Variants in RBFOX1 observed in about 807,000 individuals in gnomAD.
RBFOX1 encodes the protein RNA binding protein fox-1 homolog 1.
RBFOX1 carries 8 observed loss-of-function variants against 57.7 expected under a neutral mutation model. The observed-to-expected ratio is 0.14, with a 90% CI of 0.08 to 0.25. The LOEUF is 0.25. RBFOX1 is among the 10% of genes least tolerant of loss of function. RBFOX1 has a pLI of 1.00. For missense variants in RBFOX1, 611 were observed against 548.5 expected (o/e 1.11, Z -1.14); for synonymous variants, 326 against 222.4 (o/e 1.47, Z -4.15).
chr16:6,993,504 G>C (rs2091825212), intron 3 of RBFOX1, among the ~76,000 whole-genome samples: 2 of 152,140 alleles, frequency 1.3e-5, no homozygotes, highest in African/African-American at 4.8e-5. Flanking sequence ...TGAAGAAACG[G>C]AATCTGTGAT....
intron 2 of RBFOX1, among the ~76,000 whole-genome samples, chr16:5,480,415 C>G (rs575446323): frequency 6.6e-6 from 1 of 152,068 alleles, no homozygotes; most frequent in East Asian, 1.9e-4. Flanking sequence ...TTACAGCTTC[C>G]TTTCTCAAAA....
chr16:7,686,509 C>A lies in RBFOX1; in HGVS notation c.995+9671C>A, dbSNP rs2076095650. On this transcript the variant is annotated intron_variant, in intron 14 of 15. Transcript: ENST00000550418. ...TCACCGCTTTGGATTTTTGTAAAAC[C>A]AATTGCCTGCCCTCTTCTTTGGGTG... Among the ~76,000 whole-genome samples, 3 of 151,972 alleles carry A rather than the reference C, an allele frequency of 2.0e-5. No individual in the cohort carries two copies. In the South Asian group the frequency reaches 6.2e-4, roughly 31 times the overall value.
intron 1 of RBFOX1, among the ~76,000 whole-genome samples, chr16:6,108,283 C>T (rs574032662): frequency 7.9e-5 from 12 of 152,116 alleles, no homozygotes; most frequent in East Asian, 5.8e-4. Context: ...AAGAGGGCCC[C>T]GGAATCAGCT....
intron 4 of RBFOX1, among the ~76,000 whole-genome samples, chr16:7,062,893 A>ATTTTTTTTTTTTTT (rs1170936027): frequency 3.0e-4 from 14 of 47,288 alleles, no homozygotes; most frequent in African/African-American, 4.6e-4. Flanking sequence ...AATGATCGCC[A>ATTTTTTTTTTTTTT]TTTTTTTTTT....
At chr16:6,748,702 G>C (rs2074302155) in intron 3 of RBFOX1, among the ~76,000 whole-genome samples, 1 of 152,142 alleles carries the variant, frequency 6.6e-6, no homozygotes, top group Non-Finnish European at 1.5e-5. Context: ...ATTTGAACTT[G>C]TTATGCATGT....
At chr16:7,065,419 C>A (rs558243052) in intron 4 of RBFOX1, among the ~76,000 whole-genome samples, 1 of 152,246 alleles carries the variant, frequency 6.6e-6, no homozygotes, top group Admixed American at 6.5e-5. Flanking sequence ...CTGCCTCGTT[C>A]CTCTGTCCAC....
intron 2 of RBFOX1, among the ~76,000 whole-genome samples, chr16:6,420,554 A>C (rs1238708830): frequency 1.3e-5 from 2 of 152,216 alleles, no homozygotes; most frequent in East Asian, 3.9e-4. Context: ...TCGGGATAAA[A>C]GAGTGAGGCT....
At chr16:7,307,545 A>G (rs1350822938) in intron 4 of RBFOX1, among the ~76,000 whole-genome samples, 1 of 152,220 alleles carries the variant, frequency 6.6e-6, no homozygotes, top group Non-Finnish European at 1.5e-5. Context: ...TGTCCCAATA[A>G]CTTTTATCTA....
chr16:6,615,208 T>G lies in RBFOX1; in HGVS notation c.-63-39395T>G, dbSNP rs1220646622. On this transcript the variant is annotated intron_variant, in intron 2 of 15. Transcript: ENST00000550418. Reference sequence around the variant, plus strand: ...TGGCATTTTTTACTCTATAAAGGAATGAAAACTTCTTATACAGAGAACTTC... The same window carrying G: ...TGGCATTTTTTACTCTATAAAGGAAGGAAAACTTCTTATACAGAGAACTTC... 2.4e-4 allele frequency among the ~76,000 whole-genome samples: 36 copies of G among 152,216 alleles called. 1 individual carries two copies. The highest frequency in any genetic ancestry group is 2.4e-3 in the Admixed American group (36 of 15,286).
At chr16:7,033,171 G>T (rs911561145) in intron 3 of RBFOX1, among the ~76,000 whole-genome samples, 1 of 152,176 alleles carries the variant, frequency 6.6e-6, no homozygotes, top group African/African-American at 2.4e-5. Context: ...AGGCGGTAAA[G>T]GTGTTGATTT....
At chr16:6,108,751 G>T (rs1384296499) in intron 1 of RBFOX1, among the ~76,000 whole-genome samples, 1 of 151,992 alleles carries the variant, frequency 6.6e-6, no homozygotes, top group Non-Finnish European at 1.5e-5. Context: ...CTTCTGGTGG[G>T]TGCTGCCCTT....
At chr16:7,514,397 T>C (rs2075885560) in intron 4 of RBFOX1, among the ~76,000 whole-genome samples, 1 of 152,152 alleles carries the variant, frequency 6.6e-6, no homozygotes. Context: ...GGCAAACATT[T>C]ATAAATGTCC....
intron 4 of RBFOX1, among the ~76,000 whole-genome samples, chr16:7,197,030 A>T (rs906604301): frequency 6.6e-6 from 1 of 152,282 alleles, no homozygotes; most frequent in East Asian, 1.9e-4. Flanking sequence ...GAAGGTGCAC[A>T]CCATAGCCAT....
intron 4 of RBFOX1, among the ~76,000 whole-genome samples, chr16:7,076,799 G>A (rs2058378107): frequency 6.6e-6 from 1 of 152,116 alleles, no homozygotes; most frequent in South Asian, 2.1e-4. Flanking sequence ...TGGTTTATAT[G>A]CCCACTCATA....
chr16:5,873,144 C>T (rs1257701885), intron 4 of RBFOX1, among the ~76,000 whole-genome samples: 1 of 151,710 alleles, frequency 6.6e-6, no homozygotes, highest in Non-Finnish European at 1.5e-5. Context: ...GAGCAAGACT[C>T]CATCTCAAAA....
At chr16:6,655,323 A>C (rs1027852347) in intron 3 of RBFOX1, among the ~76,000 whole-genome samples, 1 of 142,584 alleles carries the variant, frequency 7.0e-6, no homozygotes, top group Non-Finnish European at 1.5e-5. Flanking sequence ...GCAGTGAGCC[A>C]AAATTGCACC....
chr16:6,252,683 G>T (rs1231987871), intron 1 of RBFOX1, among the ~76,000 whole-genome samples: 2 of 152,126 alleles, frequency 1.3e-5, no homozygotes, highest in African/African-American at 4.8e-5. Context: ...GAAGCCAGTA[G>T]GACAACAGTG....
chr16:7,520,882 C>A (rs2077377683), intron 5 of RBFOX1, among the ~76,000 whole-genome samples: 1 of 152,002 alleles, frequency 6.6e-6, no homozygotes, highest in South Asian at 2.1e-4. Context: ...TTTACGTATT[C>A]ATTTATTTAT....
intron 4 of RBFOX1, among the ~76,000 whole-genome samples, chr16:7,190,925 C>CTT (rs989375807): frequency 6.7e-6 from 1 of 149,402 alleles, no homozygotes; most frequent in Non-Finnish European, 1.5e-5. Context: ...TTACAAAGAC[C>CTT]TTTTTTTTTT....
Sources: allele counts gnomAD v4.1 joint callset (sites outside exome capture counted in the v4.1 genomes callset), GRCh38; gene constraint gnomAD v4.1.1; transcripts MANE v1.5; gene names NCBI Gene and HGNC (gene_info 2026-07-23, HGNC 2026-07-21).